TDRD3: variants seen among roughly 807,000 people sequenced by gnomAD.
The protein encoded by TDRD3 is tudor domain-containing protein 3.
Under a neutral mutation model 86.7 loss-of-function variants are expected in TDRD3, and 45 were observed. That is an observed-to-expected ratio of 0.52 (90% CI 0.41 to 0.67). The LOEUF (loss-of-function observed/expected upper bound fraction) is 0.67, where lower values mean the gene tolerates loss of function less well. Among genes scored for constraint, TDRD3 ranks in the 30% least tolerant of loss-of-function variants. The pLI, the probability that TDRD3 is intolerant of heterozygous loss-of-function variation, is 0.00. For synonymous variants in TDRD3, 298 were observed against 301.7 expected, an observed-to-expected ratio of 0.99 and a Z score of 0.13; for missense variants, 814 against 889.0, an observed-to-expected ratio of 0.92 and a Z score of 1.07.
At chr13:60,559,132 T>G (rs1958275044) in intron 12 of TDRD3, among the ~76,000 whole-genome samples, 1 of 152,200 alleles carries the variant, frequency 6.6e-6, no homozygotes, top group Non-Finnish European at 1.5e-5. Flanking sequence ...GTTATTTGAT[T>G]GAGACTAATA....
intron 8 of TDRD3, 145 bp downstream of exon 8, chr13:60,494,720 T>TG: frequency 1.5e-6 from 1 of 660,244 alleles, no homozygotes; most frequent in Non-Finnish European, 2.2e-6. Context: ...GGATTACAAT[T>TG]AAATCATTAA....
At chr13:60,510,793 CT>C in intron 10 of TDRD3, 38 bp downstream of exon 10, 3 of 1,331,668 alleles carry the variant, frequency 2.3e-6, no homozygotes, top group Admixed American at 3.0e-5. Flanking sequence ...TTTTTTCTTT[CT>C]TTTCTTTCTT....
chr13:60,407,473 A>G (rs534959825), intron 1 of TDRD3, among the ~76,000 whole-genome samples: 2 of 152,366 alleles, frequency 1.3e-5, no homozygotes, highest in South Asian at 2.1e-4. Context: ...TCAGAAATGC[A>G]GGAAATAGCC....
At chr13:60,555,931 A>G (rs1034110468) in intron 12 of TDRD3, among the ~76,000 whole-genome samples, 1 of 149,994 alleles carries the variant, frequency 6.7e-6, no homozygotes, top group Non-Finnish European at 1.5e-5. Flanking sequence ...GCTCACTGCA[A>G]GCTCCACCTC....
intron 12 of TDRD3, among the ~76,000 whole-genome samples, chr13:60,538,850 T>C (rs1957752079): frequency 6.6e-6 from 1 of 152,148 alleles, no homozygotes; most frequent in Admixed American, 6.5e-5. Context: ...CTCCTAAACC[T>C]GGGAAAACAT....
chr13:60,435,165 G>A (rs989761183), intron 1 of TDRD3, among the ~76,000 whole-genome samples: 1 of 152,166 alleles, frequency 6.6e-6, no homozygotes, highest in Non-Finnish European at 1.5e-5. Flanking sequence ...ATTATTCAGG[G>A]AGAGCTGTGA....
chr13:60,431,745 A>G (rs991899532), intron 1 of TDRD3, among the ~76,000 whole-genome samples: 5 of 146,124 alleles, frequency 3.4e-5, no homozygotes, highest in Admixed American at 2.0e-4. Flanking sequence ...ATGTATATTT[A>G]TGATGGCAAA....
rs908037308 is a variant in TDRD3, at chr13:60,510,689, A to G, written c.1075A>G (p.Arg359Gly). 6.2e-6 allele frequency: 10 copies of G among 1,607,058 alleles called. No individual in the cohort carries two copies. The highest frequency in any genetic ancestry group is 7.6e-6 in the Non-Finnish European group (9 of 1,176,648). The part of the protein sequence containing the change: ...SEDEEDLGNA[R>G]PSAPSTLFDF... ...AGATGAAGAGGACCTGGGAAATGCA[A>G]GGCCATCAGCACCAAGCACATTATT... is the stretch of plus-strand genomic sequence containing the variant. Residue 359 changes from arginine to glycine, a missense_variant, in exon 10 of 14, where the codon AGG becomes GGG. Transcript: ENST00000377881.
intron 10 of TDRD3, among the ~76,000 whole-genome samples, chr13:60,513,364 G>C (rs933014063): frequency 6.6e-6 from 1 of 152,202 alleles, no homozygotes; most frequent in Non-Finnish European, 1.5e-5. Context: ...ATGCCCTGAA[G>C]ACATTTTCCC....
rs531293557 is a variant in TDRD3, at chr13:60,523,957, G to C, written c.1142-4410G>C. 5.3e-5 allele frequency among the ~76,000 whole-genome samples: 8 copies of C among 150,988 alleles called. No individual in the cohort carries two copies. The South Asian group carries it at 1.0e-3, about 20-fold the overall frequency. ...TATTAAATGTTACCCATTTCTACTT[G>C]TGCTTTTTTTTTTCCACCTTTTCCT... On this transcript the variant is annotated intron_variant, in intron 10 of 13. Transcript: ENST00000377881.
chr13:60,545,062 T>C (rs1326167955), intron 12 of TDRD3, among the ~76,000 whole-genome samples: 1 of 152,202 alleles, frequency 6.6e-6, no homozygotes, highest in Non-Finnish European at 1.5e-5. Flanking sequence ...ACAAATATTC[T>C]GAGTTCTTTT....
chr13:60,395,684 T>C (rs1012573003), upstream of TDRD3, among the ~76,000 whole-genome samples: 1 of 152,216 alleles, frequency 6.6e-6, no homozygotes, highest in Non-Finnish European at 1.5e-5. Flanking sequence ...CTGAAAAATG[T>C]AAATAATTGG....
chr13:60,486,097 C>T (rs1335030427), intron 7 of TDRD3, 149 bp downstream of exon 7: 2 of 730,870 alleles, frequency 2.7e-6, no homozygotes, highest in Non-Finnish European at 3.9e-6. Flanking sequence ...TGGGAATGCC[C>T]TGCCACTTCA....
At chr13:60,398,196 C>T (rs1953993354) in intron 1 of TDRD3, among the ~76,000 whole-genome samples, 1 of 152,186 alleles carries the variant, frequency 6.6e-6, no homozygotes, top group Non-Finnish European at 1.5e-5. Context: ...TTTTCCCAGG[C>T]TTGCACAGGC....
At position 60,474,450 on chromosome 13, in the gene TDRD3, C is replaced by G. The variant is rs112976393; in HGVS notation, c.495+7071C>G. Among the ~76,000 whole-genome samples the G allele has an allele frequency of 2.4e-4, 37 of 152,276 alleles. 1 individual carries two copies. Among genetic ancestry groups the G allele is most frequent in the African/African-American group, 8.9e-4 (37 of 41,550 alleles). On this transcript the variant is annotated intron_variant, in intron 5 of 13. Transcript: ENST00000377881. ...TTCTACATACTCTCATCTCCACACA[C>G]GAGGAGAAAAAACCCACAGACCTTG...
chr13:60,565,092 G>A (rs1280842858), intron 12 of TDRD3, among the ~76,000 whole-genome samples: 6 of 112,186 alleles, frequency 5.3e-5, no homozygotes, highest in African/African-American at 2.1e-4. Flanking sequence ...GTCTCGCTCT[G>A]TCGCCCAGGC....
intron 1 of TDRD3, among the ~76,000 whole-genome samples, chr13:60,419,512 C>T (rs1954605003): frequency 6.6e-6 from 1 of 152,062 alleles, no homozygotes; most frequent in African/African-American, 2.4e-5. Context: ...CCATCATTCT[C>T]AGCAAACTAA....
chr13:60,398,749 C>G (rs895492180), intron 1 of TDRD3, among the ~76,000 whole-genome samples: 1 of 152,172 alleles, frequency 6.6e-6, no homozygotes, highest in African/African-American at 2.4e-5. Flanking sequence ...TCCTTTAACG[C>G]TTATGCGTTA....
At chr13:60,474,694 C>CAT (rs36043192) in intron 5 of TDRD3, among the ~76,000 whole-genome samples, 7,328 of 152,286 alleles carry the variant, frequency 0.048, 218 homozygotes, top group Non-Finnish European at 0.064. Flanking sequence ...GGTCACAACA[C>CAT]GTTTTAATTT....
Sources: gnomAD v4.1 joint callset for allele counts (sites outside exome capture counted in the v4.1 genomes callset) on GRCh38, gnomAD v4.1.1 for gene constraint, MANE v1.5 for transcripts, NCBI Gene and HGNC (gene_info 2026-07-23, HGNC 2026-07-21) for gene names.